The following BSN variants were observed in gnomAD, a reference collection of about 807,000 sequenced individuals.
The protein encoded by BSN is protein bassoon.
BSN carries 57 observed loss-of-function variants against 264.8 expected under a neutral mutation model. The ratio of observed to expected loss-of-function variants is 0.22; its 90% CI spans 0.17 to 0.27. The LOEUF is 0.27. BSN is among the 10% of genes least tolerant of loss of function. BSN has a pLI of 1.00. For synonymous variants in BSN, 2,059 were observed against 2,137.3 expected, an observed-to-expected ratio of 0.96 and a Z score of 1.01; for missense variants, 4,615 against 5,232.5, an observed-to-expected ratio of 0.88 and a Z score of 3.64.
chr3:49,610,451 G>T (rs144056489), intron 1 of BSN, among the ~76,000 whole-genome samples: 1 of 151,816 alleles, frequency 6.6e-6, no homozygotes, highest in Non-Finnish European at 1.5e-5. Flanking sequence ...GGGTGTGGTC[G>T]CTCAGGCCTG....
At chr3:49,572,896 C>T (rs1382802803) in intron 1 of BSN, among the ~76,000 whole-genome samples, 1 of 152,206 alleles carries the variant, frequency 6.6e-6, no homozygotes, top group South Asian at 2.1e-4. Context: ...GGAGGAAGGC[C>T]GGTGAATAGG....
chr3:49,672,557 T>G (rs1159269107), downstream of BSN, among the ~76,000 whole-genome samples: 1 of 151,478 alleles, frequency 6.6e-6, no homozygotes, highest in Admixed American at 6.6e-5. Flanking sequence ...CTCGGCTCAC[T>G]GCAACCTCCA....
Position 49,661,650 on chromosome 3 carries a change from C to G in BSN, c.9805C>G (p.Pro3269Ala), listed in dbSNP as rs776421253. The G allele has an allele frequency of 1.2e-6, 2 of 1,613,534 alleles. No homozygotes were observed. Among genetic ancestry groups the G allele is most frequent in the Middle Eastern group, 1.6e-4 (1 of 6,084 alleles). The change falls in exon 6 of 12, where the codon CCT (proline) becomes GCT (alanine). Residue 3269 changes from proline to alanine, a missense_variant. Transcript: ENST00000296452. ...PGSSGRPGKE[P>A]GEPGVLDGPT... ...CAGCAGTGGGCGTCCAGGGAAGGAG[C>G]CTGGAGAACCAGGTGTCCTTGACGG...
chr3:49,575,601 A>G lies in BSN; in HGVS notation c.224+20775A>G, dbSNP rs141067572. Among the ~76,000 whole-genome samples, 632 of 145,764 alleles carry G rather than the reference A, an allele frequency of 4.3e-3. 8 individuals carry two copies. Among genetic ancestry groups the G allele is most frequent in the African/African-American group, 0.015 (602 of 39,748 alleles). On this transcript the variant is annotated intron_variant, in intron 1 of 11. Coordinates refer to ENST00000296452, the MANE Select transcript of BSN (RefSeq NM_003458.4). ...ATATTTGAGACAGAGTCAAATATAT[A>G]TACATATATATGTGTATATATATAG...
intron 2 of BSN, among the ~76,000 whole-genome samples, chr3:49,631,071 C>T (rs2052380703): frequency 6.6e-6 from 1 of 152,124 alleles, no homozygotes; most frequent in Non-Finnish European, 1.5e-5. Flanking sequence ...CTATTGATAG[C>T]CGGGAACTGT....
intron 1 of BSN, among the ~76,000 whole-genome samples, chr3:49,596,783 CCTA>C (rs1382181281): frequency 1.3e-5 from 2 of 152,174 alleles, no homozygotes; most frequent in Non-Finnish European, 1.5e-5. Flanking sequence ...GTCTCAGCCT[CCTA>C]AGTAGCTGGG....
In BSN at chr3:49,668,227, T is replaced by G. The variant is rs1319558571; in HGVS notation, c.*742T>G. The G allele has an allele frequency of 6.6e-6, 1 of 151,638 alleles. No individual in the cohort carries two copies. Among genetic ancestry groups the G allele is most frequent in the Non-Finnish European group, 1.5e-5 (1 of 67,762 alleles). The allele number at this position is 151,638 out of a possible 1,614,324, so 9.4% of individuals were successfully genotyped here. A position where few individuals can be genotyped will look rare whatever the true frequency, so the allele number is the denominator to read the frequency against. ...TTCTCCCAGCCCGTGGGTGGCAGCGTGCTAGCACACTGCCACCATCTCAAA... is the reference window on the plus strand; with the variant it reads ...TTCTCCCAGCCCGTGGGTGGCAGCGGGCTAGCACACTGCCACCATCTCAAA... On this transcript the variant is annotated 3_prime_UTR_variant, in exon 12 of 12. Transcript: ENST00000296452.
intron 2 of BSN, among the ~76,000 whole-genome samples, chr3:49,637,573 A>G (rs2052428847): frequency 6.6e-6 from 1 of 152,126 alleles, no homozygotes; most frequent in Non-Finnish European, 1.5e-5. Context: ...CTTGGGCCCC[A>G]AGCCTCTGGA....
chr3:49,672,641 C>T (rs557899759), downstream of BSN, among the ~76,000 whole-genome samples: 4 of 151,554 alleles, frequency 2.6e-5, no homozygotes, highest in South Asian at 6.3e-4. Flanking sequence ...CCACCCAGCC[C>T]GGCTAATTTT....
At chr3:49,601,455 G>C (rs1032046522) in intron 1 of BSN, among the ~76,000 whole-genome samples, 26 of 152,174 alleles carry the variant, frequency 1.7e-4, no homozygotes, top group Non-Finnish European at 1.5e-5. Context: ...TGGAAGACTG[G>C]AGAGACCTGA....
chr3:49,662,527 T>C lies in BSN; in HGVS notation c.10682T>C (p.Leu3561Pro), dbSNP rs754074439. 7 of 1,601,266 alleles carry C rather than the reference T, an allele frequency of 4.4e-6. No homozygotes were observed. The South Asian group carries it at 7.8e-5, about 18-fold the overall frequency. Residue 3561 changes from leucine (L) to proline (P), a missense_variant, in exon 6 of 12, where the codon CTG (leucine) becomes CCG (proline). By Grantham distance (98) the Leu-to-Pro change is moderately conservative. Transcript: ENST00000296452. ...TATAAGCGTGAGGAGGGCTACATCC[T>C]GGATGATTCCCATTGCGTGGTTTCC... is the stretch of plus-strand genomic sequence containing the variant. Reference protein sequence around the residue: ...HAYKREEGYILDDSHCVVSDS... With the variant: ...HAYKREEGYIPDDSHCVVSDS...
intron 2 of BSN, among the ~76,000 whole-genome samples, chr3:49,634,144 G>A (rs939280090): frequency 2.6e-5 from 4 of 151,890 alleles, no homozygotes; most frequent in African/African-American, 4.8e-5. Context: ...GGAGGCGGAG[G>A]TTGCAGTGAG....
chr3:49,663,387 G>A lies in BSN; in HGVS notation c.11229G>A (p.Ala3743=), dbSNP rs541107919. The A allele has an allele frequency of 8.7e-6, 14 of 1,612,892 alleles. No individual in the cohort carries two copies. The highest frequency in any genetic ancestry group is 3.3e-5 in the Admixed American group (2 of 60,034). ...AALQSKAEPQ[A]QPQLQGRQAA... is the part of the protein sequence containing the mutation. ...TGCAGTCAAAGGCAGAACCCCAGGC[G>A]CAGCCGCAGCTGCAAGGTCGGCAGG... The change falls in exon 7 of 12, where the codon GCG becomes GCA. Residue 3743 remains alanine (A), a synonymous_variant. Transcript: ENST00000296452.
chr3:49,594,601 G>A (rs1347193623), intron 1 of BSN, among the ~76,000 whole-genome samples: 2 of 152,004 alleles, frequency 1.3e-5, no homozygotes, highest in African/African-American at 4.8e-5. Flanking sequence ...GTCTTAAATT[G>A]GGTAGAATAA....
chr3:49,602,116 C>G (rs1157036551), intron 1 of BSN, among the ~76,000 whole-genome samples: 1 of 152,202 alleles, frequency 6.6e-6, no homozygotes, highest in Non-Finnish European at 1.5e-5. Context: ...GCCAAGGGCT[C>G]CTCATCCACT....
rs150258674 is a variant in BSN, at chr3:49,661,605, C to G, written c.9760C>G (p.Leu3254Val). ...CTCTACTGCTCCTGATAGCCAACGG[C>G]TGGAGCCCCTGGGGCCAGGCAGCAG... Reference protein sequence around the residue: ...STSTAPDSQRLEPLGPGSSGR... With the variant: ...STSTAPDSQRVEPLGPGSSGR... The change falls in exon 6 of 12, where the codon CTG (leucine) becomes GTG (valine). Residue 3254 changes from leucine (L) to valine (V), a missense_variant. This residue lies in a region of BSN where 3,415 missense variants were observed against 3,866.4 expected (regional missense o/e 0.88). Coordinates refer to ENST00000296452, the MANE Select transcript of BSN (RefSeq NM_003458.4). 4 of 1,613,580 alleles carry G rather than the reference C, an allele frequency of 2.5e-6. No individual in the cohort carries two copies. Among genetic ancestry groups the G allele is most frequent in the Non-Finnish European group, 3.4e-6 (4 of 1,180,050 alleles).
In BSN at chr3:49,661,660, C is replaced by T. The variant is rs1427632593; in HGVS notation, c.9815C>T (p.Pro3272Leu). Residue 3272 changes from proline to leucine, a missense_variant, in exon 6 of 12, where the codon CCA (proline) becomes CTA (leucine). By Grantham distance (98) the Pro-to-Leu change is moderately conservative (BLOSUM62 -3). Transcript: ENST00000296452. ...CGTCCAGGGAAGGAGCCTGGAGAAC[C>T]AGGTGTCCTTGACGGGCCCACACTG... is the stretch of plus-strand genomic sequence containing the variant. ...SGRPGKEPGE[P>L]GVLDGPTLPC... The T allele has an allele frequency of 6.2e-7, 1 of 1,613,596 alleles. No individual in the cohort carries two copies. The highest frequency in any genetic ancestry group is 8.5e-7 in the Non-Finnish European group (1 of 1,180,044).
chr3:49,651,448 C>A lies in BSN; in HGVS notation c.1987-95C>A. The stretch of plus-strand genomic sequence containing the variant: ...CCTAAACCCTTGGGAAATGGACAGA[C>A]TCTTCCCCAGGGTCCTGGGATTGAC... On this transcript the variant is annotated intron_variant, in intron 4 of 11. Transcript: ENST00000296452. The surrounding 1 kb of genome is among the most constrained non-coding windows in gnomAD (Gnocchi z 5.4). The A allele has an allele frequency of 7.3e-7, 1 of 1,364,798 alleles. No individual in the cohort carries two copies. Among genetic ancestry groups the A allele is most frequent in the Non-Finnish European group, 1.0e-6 (1 of 1,003,496 alleles). 84.5% of individuals were successfully genotyped at this position (1,364,798 alleles called of 1,614,324 possible).
rs562977181 is a variant in BSN, at chr3:49,626,358, G to A, written c.633+975G>A. 2.6e-5 allele frequency among the ~76,000 whole-genome samples: 4 copies of A among 152,272 alleles called. No individual in the cohort carries two copies. In the East Asian group the frequency reaches 7.7e-4, roughly 29 times the overall value. ...AGCCGTTTGGACCATGTGGGAGGGG[G>A]CTGAGTGAGAATAATTGTTCACAGG... is the stretch of plus-strand genomic sequence containing the variant. On this transcript the variant is annotated intron_variant, in intron 2 of 11. Coordinates refer to ENST00000296452, the MANE Select transcript of BSN (RefSeq NM_003458.4).
Sources: gnomAD v4.1 joint callset for allele counts (sites outside exome capture counted in the v4.1 genomes callset) on GRCh38, gnomAD v4.1.1 for gene constraint, gnomAD v4.1.1 regional missense constraint, Gnocchi (gnomAD v3.1) non-coding constraint, MANE v1.5 for transcripts, NCBI Gene and HGNC (gene_info 2026-07-23, HGNC 2026-07-21) for gene names.